The following FAM110B variants were observed in gnomAD, a reference collection of about 807,000 sequenced individuals.
The protein encoded by FAM110B is family with sequence similarity 110 member B.
FAM110B carries 6 observed loss-of-function variants against 20.4 expected under a neutral mutation model. The observed-to-expected ratio is 0.29, with a 90% confidence interval of 0.16 to 0.58. The LOEUF is 0.58. Among genes scored for constraint, FAM110B ranks in the 20% least tolerant of loss-of-function variants. FAM110B has a pLI of 0.90. For missense variants in FAM110B, 434 were observed against 498.2 expected (o/e 0.87, Z 1.23); for synonymous variants, 226 against 214.1 (o/e 1.06, Z -0.49).
At chr8:58,043,613 G>A (rs867113594) in intron 2 of FAM110B, among the ~76,000 whole-genome samples, 2 of 152,178 alleles carry the variant, frequency 1.3e-5, no homozygotes, top group Admixed American at 1.3e-4. Context: ...TCCTAATGAA[G>A]AGCCTTCATT....
chr8:58,041,024 C>G (rs981638874), intron 2 of FAM110B, among the ~76,000 whole-genome samples: 1 of 149,964 alleles, frequency 6.7e-6, no homozygotes, highest in Admixed American at 6.7e-5. Context: ...TCATTGCAAC[C>G]TCCGCCTCCA....
chr8:58,040,754 G>A (rs1202374701), intron 2 of FAM110B, among the ~76,000 whole-genome samples: 5 of 151,730 alleles, frequency 3.3e-5, no homozygotes, highest in Non-Finnish European at 5.9e-5. Flanking sequence ...AGCTATGCAG[G>A]ATCAGCTTTT....
chr8:58,037,581 G>A (rs564182952), intron 2 of FAM110B, among the ~76,000 whole-genome samples: 119 of 152,148 alleles, frequency 7.8e-4, no homozygotes, highest in Admixed American at 2.4e-3. Context: ...GGAGGCTGCA[G>A]TGAGCTGATA....
At chr8:58,087,458 A>G (rs1806366506) in intron 3 of FAM110B, among the ~76,000 whole-genome samples, 1 of 152,192 alleles carries the variant, frequency 6.6e-6, no homozygotes, top group African/African-American at 2.4e-5. Flanking sequence ...CTGTTATATC[A>G]GCTTCATAGA....
chr8:58,062,882 A>G (rs982651924), intron 2 of FAM110B, among the ~76,000 whole-genome samples: 1 of 152,238 alleles, frequency 6.6e-6, no homozygotes, highest in African/African-American at 2.4e-5. Flanking sequence ...AATTGTCCAA[A>G]TAACCAAGGA....
chr8:58,124,167 G>T (rs1291325311), intron 3 of FAM110B, among the ~76,000 whole-genome samples: 1 of 152,156 alleles, frequency 6.6e-6, no homozygotes, highest in African/African-American at 2.4e-5. Context: ...TTAGGATTGG[G>T]CTCTATTTTA....
At chr8:58,122,940 C>A (rs2150628299) in intron 3 of FAM110B, among the ~76,000 whole-genome samples, 1 of 152,264 alleles carries the variant, frequency 6.6e-6, no homozygotes. Context: ...AAATTAGAAC[C>A]CCTAACTTCA....
At chr8:58,133,212 T>G (rs1803525887) in intron 3 of FAM110B, among the ~76,000 whole-genome samples, 2 of 151,956 alleles carry the variant, frequency 1.3e-5, no homozygotes. Flanking sequence ...TTTGTTTTTT[T>G]TTTTTTTCTT....
intron 3 of FAM110B, among the ~76,000 whole-genome samples, chr8:58,129,017 C>G: frequency 6.6e-6 from 1 of 152,252 alleles, no homozygotes; most frequent in East Asian, 1.9e-4. Flanking sequence ...AGAAACAACG[C>G]TGGGAGTGAT....
At position 58,145,504 on chromosome 8, in the gene FAM110B, G is replaced by A. The variant is rs554075215; in HGVS notation, c.-324-403G>A. 3.3e-5 allele frequency among the ~76,000 whole-genome samples: 5 copies of A among 152,294 alleles called. No homozygotes were observed. The South Asian group carries it at 1.0e-3, about 32-fold the overall frequency. The stretch of plus-strand genomic sequence containing the variant: ...CAACCGGGGGGCATGGAAGGGATTC[G>A]TAGGAACTCAGTGGCATGTAATGAG... On this transcript the variant is annotated intron_variant, in intron 3 of 3. Coordinates refer to ENST00000519262, the MANE Select transcript of FAM110B (RefSeq NM_001377989.1).
chr8:58,091,566 G>A (rs572658030), intron 3 of FAM110B: 1 of 152,200 alleles, frequency 6.6e-6, no homozygotes, highest in Admixed American at 6.5e-5. Flanking sequence ...TGAGATCTGT[G>A]GATGACCTTA....
chr8:58,107,644 T>A (rs927620933), intron 3 of FAM110B, among the ~76,000 whole-genome samples: 3 of 152,238 alleles, frequency 2.0e-5, no homozygotes, highest in Non-Finnish European at 4.4e-5. Context: ...TTTTGAAAGA[T>A]GTTTGTATAA....
chr8:58,122,804 G>T (rs1401723278), intron 3 of FAM110B, among the ~76,000 whole-genome samples: 1 of 151,872 alleles, frequency 6.6e-6, no homozygotes, highest in Non-Finnish European at 1.5e-5. Context: ...TCATGTTAGA[G>T]GTTTGGCTGC....
In FAM110B at chr8:58,140,935, C is replaced by T. The variant is rs35157653; in HGVS notation, c.-324-4972C>T. ...GCATTTTGAATCTTTTTTTTAAGTT[C>T]AGGATTTTTCTACGTCTTACACATA... On this transcript the variant is annotated intron_variant, in intron 3 of 3. Transcript: ENST00000519262. Among the ~76,000 whole-genome samples the T allele has an allele frequency of 2.4e-3, 367 of 152,158 alleles. 1 individual carries two copies. The highest frequency in any genetic ancestry group is 4.0e-3 in the Non-Finnish European group (273 of 67,998).
intron 3 of FAM110B, among the ~76,000 whole-genome samples, chr8:58,126,140 A>G (rs1193999784): frequency 6.6e-6 from 1 of 152,294 alleles, no homozygotes; most frequent in East Asian, 1.9e-4. Flanking sequence ...TGAGAATGTT[A>G]TATACATACA....
intron 2 of FAM110B, among the ~76,000 whole-genome samples, chr8:58,040,711 GACTT>G (rs1805196759): frequency 6.6e-6 from 1 of 152,124 alleles, no homozygotes; most frequent in Non-Finnish European, 1.5e-5. Context: ...AAAATCTAGA[GACTT>G]ACATTAAGGT....
chr8:58,032,233 G>A (rs76763588), intron 2 of FAM110B: 1 of 152,326 alleles, frequency 6.6e-6, no homozygotes, highest in East Asian at 1.9e-4. Flanking sequence ...CCCCAATTGG[G>A]ACTGTTAGAA....
chr8:58,128,304 C>T (rs536931723), intron 3 of FAM110B, among the ~76,000 whole-genome samples: 2 of 152,272 alleles, frequency 1.3e-5, no homozygotes, highest in East Asian at 3.9e-4. Context: ...ATCTGCTCTG[C>T]GTTCAGTGTT....
chr8:58,078,826 A>G (rs1806107821), intron 3 of FAM110B, among the ~76,000 whole-genome samples: 1 of 152,014 alleles, frequency 6.6e-6, no homozygotes, highest in Non-Finnish European at 1.5e-5. Flanking sequence ...CTGGGATTAC[A>G]GGTGTGAGCC....
Sources: allele counts gnomAD v4.1 joint callset (sites outside exome capture counted in the v4.1 genomes callset), GRCh38; gene constraint gnomAD v4.1.1; transcripts MANE v1.5; gene names NCBI Gene and HGNC (gene_info 2026-07-23, HGNC 2026-07-21).